The following TMED10 variants were observed in gnomAD, a reference collection of about 807,000 sequenced individuals.
The protein encoded by TMED10 is transmembrane emp24 domain-containing protein 10.
A neutral mutation model predicts 23.1 loss-of-function variants in TMED10; 7 were observed. The observed-to-expected ratio is 0.30, with a 90% CI of 0.17 to 0.57. The LOEUF (loss-of-function observed/expected upper bound fraction) is 0.57, where lower values mean the gene tolerates loss of function less well. Among genes scored for constraint, TMED10 ranks in the 20% least tolerant of loss-of-function variants. TMED10 has a pLI of 0.91. For missense variants in TMED10, 162 were observed against 274.8 expected, an observed-to-expected ratio of 0.59 and a Z score of 2.90; for synonymous variants, 113 against 106.9, an observed-to-expected ratio of 1.06 and a Z score of -0.35.
chr14:75,147,570 T>C (rs1008029385), intron 3 of TMED10, 94 bp downstream of exon 3: 78 of 1,290,272 alleles, frequency 6.0e-5, no homozygotes, highest in Admixed American at 1.2e-4. Flanking sequence ...CCACAGCCCT[T>C]TGGGCAAAGC....
intron 1 of TMED10, among the ~76,000 whole-genome samples, chr14:75,174,524 G>A (rs1290955863): frequency 2.0e-5 from 3 of 151,924 alleles, no homozygotes; most frequent in African/African-American, 7.3e-5. Context: ...CTCCCACCCC[G>A]GAAACACTAT....
intron 1 of TMED10, among the ~76,000 whole-genome samples, chr14:75,172,844 A>G (rs1400678525): frequency 3.3e-5 from 5 of 152,208 alleles, no homozygotes; most frequent in Admixed American, 6.5e-5. Flanking sequence ...TATTCCCTAT[A>G]ACACTGAAAA....
intron 1 of TMED10, among the ~76,000 whole-genome samples, chr14:75,156,852 C>G (rs1896024528): frequency 1.3e-5 from 2 of 150,976 alleles, no homozygotes; most frequent in South Asian, 4.2e-4. Flanking sequence ...TCGTTTGAAA[C>G]CAGGGTGAGA....
At chr14:75,168,378 G>C (rs1373033198) in intron 1 of TMED10, among the ~76,000 whole-genome samples, 1 of 152,098 alleles carries the variant, frequency 6.6e-6, no homozygotes, top group Non-Finnish European at 1.5e-5. Context: ...ATGAATGAAA[G>C]AATCACAAAC....
intron 1 of TMED10, chr14:75,176,116 TCAC>T (rs1162689388): frequency 8.7e-6 from 5 of 577,196 alleles, no homozygotes; most frequent in African/African-American, 5.6e-5. Flanking sequence ...AGCTCAGGTG[TCAC>T]CACATCCGCC....
rs535154832 is a variant in TMED10, at chr14:75,151,283, C to A, written c.337+749G>T. 2.4e-4 allele frequency among the ~76,000 whole-genome samples: 37 copies of A among 151,988 alleles called. No homozygotes were observed. The South Asian group carries it at 6.2e-3, about 26-fold the overall frequency. On this transcript the variant is annotated intron_variant, in intron 2 of 4. Coordinates refer to ENST00000303575, the MANE Select transcript of TMED10 (RefSeq NM_006827.6). ...TCACCCAGGCTGGAGTGCAGTGACA[C>A]AATCTTGCTCACTGCAACCTCCACC...
intron 1 of TMED10, among the ~76,000 whole-genome samples, chr14:75,152,795 C>T (rs755789885): frequency 4.0e-5 from 6 of 150,442 alleles, no homozygotes; most frequent in Non-Finnish European, 8.9e-5. Context: ...AACTTTGGAA[C>T]GCCAAGGCAG....
chr14:75,173,318 G>T (rs1395422065), intron 1 of TMED10, among the ~76,000 whole-genome samples: 2 of 151,960 alleles, frequency 1.3e-5, no homozygotes, highest in Non-Finnish European at 2.9e-5. Flanking sequence ...GCCCTGAGGA[G>T]GTCAAGGCTG....
In TMED10 at chr14:75,133,880, T is replaced by C. The variant is rs1222879132; in HGVS notation, c.*1005A>G. 4 of 330,476 alleles carry C rather than the reference T, an allele frequency of 1.2e-5. No individual in the cohort carries two copies. The highest frequency in any genetic ancestry group is 4.8e-5 in the Admixed American group (1 of 20,944). 20.5% of individuals were successfully genotyped at this position (330,476 alleles called of 1,614,324 possible). On this transcript the variant is annotated 3_prime_UTR_variant, in exon 5 of 5. Coordinates refer to ENST00000303575, the MANE Select transcript of TMED10 (RefSeq NM_006827.6). ...TATGCATGTAAGAAATCTGTACTTA[T>C]ACCCCCTAAATATATAAAACATTTT...
At chr14:75,138,055 T>C (rs1895775058) in intron 3 of TMED10, among the ~76,000 whole-genome samples, 1 of 152,212 alleles carries the variant, frequency 6.6e-6, no homozygotes, top group Admixed American at 6.5e-5. Flanking sequence ...CTATTTACTG[T>C]ACATTCCCTA....
chr14:75,147,679 C>T lies in TMED10; in HGVS notation c.396G>A (p.Ala132=), dbSNP rs993000622. Residue 132 remains alanine (A), a synonymous_variant, in exon 3 of 5, where the codon GCG becomes GCA. Coordinates refer to ENST00000303575, the MANE Select transcript of TMED10 (RefSeq NM_006827.6). ...CAGGACATACCTCTTCGTAATTTTT[C>T]GCCTCCACTCCATGCTTCATGTCTA... is the stretch of plus-strand genomic sequence containing the variant. ...VILDMKHGVE[A]KNYEEIAKVE... 6.8e-6 allele frequency: 11 copies of T among 1,614,012 alleles called. No individual in the cohort carries two copies. Among genetic ancestry groups the T allele is most frequent in the East Asian group, 2.2e-5 (1 of 44,900 alleles).
chr14:75,143,971 G>A (rs547910977), intron 3 of TMED10, among the ~76,000 whole-genome samples: 81 of 149,558 alleles, frequency 5.4e-4, no homozygotes, highest in Admixed American at 4.7e-4. Context: ...TCTAGTACAT[G>A]GAATCAGAGT....
intron 3 of TMED10, chr14:75,136,671 A>T (rs1264750455): frequency 6.6e-6 from 1 of 152,206 alleles, no homozygotes; most frequent in African/African-American, 2.4e-5. Flanking sequence ...ACAATTAGAG[A>T]ATTCTGGTTC....
intron 3 of TMED10, among the ~76,000 whole-genome samples, chr14:75,140,809 C>A (rs868153789): frequency 6.6e-6 from 1 of 152,100 alleles, no homozygotes; most frequent in Non-Finnish European, 1.5e-5. Flanking sequence ...CCAGTAATAC[C>A]AGCACTTTGG....
chr14:75,143,185 C>A (rs1895843963), intron 3 of TMED10, among the ~76,000 whole-genome samples: 1 of 152,006 alleles, frequency 6.6e-6, no homozygotes, highest in African/African-American at 2.4e-5. Context: ...AGGCCCGCCG[C>A]CTAGGAGAAA....
rs1230649879 is a variant in TMED10, at chr14:75,136,048, T to C, written c.412-162A>G. Among the ~76,000 whole-genome samples, 29 of 152,244 alleles carry C rather than the reference T, an allele frequency of 1.9e-4. 1 individual carries two copies. Among genetic ancestry groups the C allele is most frequent in the Admixed American group, 1.9e-3 (29 of 15,284 alleles). On this transcript the variant is annotated intron_variant, in intron 3 of 4. Transcript: ENST00000303575. ...AAATTTGGGCTTCTTTCTTTCCCTATAGACTATATCTTTCCATTTCAGACC... is the reference window on the plus strand; with the variant it reads ...AAATTTGGGCTTCTTTCTTTCCCTACAGACTATATCTTTCCATTTCAGACC...
At chr14:75,147,792 TA>T in intron 2 of TMED10, 55 bp from the exon 3 acceptor site, 1 of 1,506,926 alleles carries the variant, frequency 6.6e-7, no homozygotes, top group Non-Finnish European at 9.0e-7. Flanking sequence ...TCTGGGAAAT[TA>T]CCCACCCACC....
intron 1 of TMED10, among the ~76,000 whole-genome samples, chr14:75,153,624 C>T (rs1373681178): frequency 1.3e-5 from 2 of 152,184 alleles, no homozygotes; most frequent in Non-Finnish European, 2.9e-5. Flanking sequence ...TTACATTAAA[C>T]TGGATGTTCT....
intron 3 of TMED10, among the ~76,000 whole-genome samples, chr14:75,147,341 ACGC>A (rs571847195): frequency 3.6e-4 from 55 of 152,020 alleles, no homozygotes; most frequent in African/African-American, 1.3e-3. Context: ...TTACAGGCGC[ACGC>A]CACCACTCCT....
Sources: gnomAD v4.1 joint callset for allele counts (sites outside exome capture counted in the v4.1 genomes callset) on GRCh38, gnomAD v4.1.1 for gene constraint, MANE v1.5 for transcripts, NCBI Gene and HGNC (gene_info 2026-07-23, HGNC 2026-07-21) for gene names.